MALRD1: variants seen among roughly 807,000 people sequenced by gnomAD.
MALRD1 encodes the protein MAM and LDL-receptor class A domain-containing protein 1.
In MALRD1, 247 loss-of-function variants were observed where a neutral mutation model predicts 242.1. That is an observed-to-expected ratio of 1.02 (90% CI 0.92 to 1.13). MALRD1 has a LOEUF of 1.13. Among genes scored for constraint, MALRD1 ranks in the 50% most tolerant of loss-of-function variants. The pLI, the probability that MALRD1 is intolerant of heterozygous loss-of-function variation, is 0.00. For missense variants in MALRD1, 2,989 were observed against 2,533.1 expected, an observed-to-expected ratio of 1.18 and a Z score of -3.86; for synonymous variants, 995 against 866.6, an observed-to-expected ratio of 1.15 and a Z score of -2.60.
In MALRD1 at chr10:19,633,253, A is replaced by G. The variant is rs188862095; in HGVS notation, c.6137+17330A>G. Among the ~76,000 whole-genome samples, 684 of 152,114 alleles carry G rather than the reference A, an allele frequency of 4.5e-3. 3 individuals carry two copies. The highest frequency in any genetic ancestry group is 0.015 in the African/African-American group (631 of 41,536). ...CTCAAAGAAAAAAAAAGAGAGACAG[A>G]GAGAGAGAGACGACTTTTCAAGATT... On this transcript the variant is annotated intron_variant, in intron 36 of 39. Coordinates refer to ENST00000454679, the MANE Select transcript of MALRD1 (RefSeq NM_001142308.3).
At chr10:19,180,998 A>G (rs1835478116) in intron 14 of MALRD1, among the ~76,000 whole-genome samples, 1 of 152,206 alleles carries the variant, frequency 6.6e-6, no homozygotes, top group Non-Finnish European at 1.5e-5. Flanking sequence ...AGGGAAATAC[A>G]AATCCAAAAC....
chr10:19,294,419 T>G (rs1841596341), intron 21 of MALRD1, among the ~76,000 whole-genome samples: 1 of 152,224 alleles, frequency 6.6e-6, no homozygotes, highest in Admixed American at 6.5e-5. Flanking sequence ...GACATAGTGA[T>G]TTATGCAGAT....
intron 11 of MALRD1, among the ~76,000 whole-genome samples, chr10:19,154,025 A>G (rs1270655082): frequency 1.6e-4 from 24 of 152,308 alleles, no homozygotes; most frequent in Non-Finnish European, 1.5e-5. Context: ...ATTTTTCAAA[A>G]TCACCTTTTC....
intron 2 of MALRD1, among the ~76,000 whole-genome samples, chr10:19,077,242 G>A (rs932354802): frequency 6.6e-6 from 1 of 151,928 alleles, no homozygotes; most frequent in African/African-American, 2.4e-5. Context: ...TAAGGACTGA[G>A]TCAATGTTTT....
Position 19,734,252 on chromosome 10 carries a change from A to G in MALRD1, c.*15A>G. The stretch of plus-strand genomic sequence containing the variant: ...ATCTCAAATAGCAGCATCGAGACCA[A>G]GTCTGATCCAACATGTGTAGTTTCT... On this transcript the variant is annotated 3_prime_UTR_variant, in exon 40 of 40. Transcript: ENST00000454679. 2 of 1,525,982 alleles carry G rather than the reference A, an allele frequency of 1.3e-6. No individual in the cohort carries two copies. The highest frequency in any genetic ancestry group is 4.9e-5 in the East Asian group (2 of 40,818). The allele number at this position is 1,525,982 out of a possible 1,614,324, so 94.5% of individuals were successfully genotyped here.
intron 19 of MALRD1, among the ~76,000 whole-genome samples, chr10:19,258,172 C>G (rs1381204988): frequency 1.3e-5 from 2 of 152,034 alleles, no homozygotes; most frequent in African/African-American, 4.8e-5. Context: ...TGTTGTCAAC[C>G]ATTTCCTCAC....
At chr10:19,561,391 C>G in intron 32 of MALRD1, among the ~76,000 whole-genome samples, 1 of 152,200 alleles carries the variant, frequency 6.6e-6, no homozygotes, top group East Asian at 1.9e-4. Flanking sequence ...TTGCTGCCCT[C>G]TGATCTGCCA....
At chr10:19,349,737 A>G in intron 25 of MALRD1, among the ~76,000 whole-genome samples, 3 of 152,320 alleles carry the variant, frequency 2.0e-5, no homozygotes, top group Middle Eastern at 6.8e-3. Context: ...TGAAAATCAC[A>G]AATTCATTTT....
intron 29 of MALRD1, among the ~76,000 whole-genome samples, chr10:19,489,589 C>T (rs772412139): frequency 6.6e-6 from 1 of 152,094 alleles, no homozygotes; most frequent in Non-Finnish European, 1.5e-5. Flanking sequence ...GAGGTGAAAT[C>T]ATTCGCTGGT....
intron 8 of MALRD1, among the ~76,000 whole-genome samples, chr10:19,133,245 C>G: frequency 6.6e-6 from 1 of 152,140 alleles, no homozygotes; most frequent in East Asian, 1.9e-4. Flanking sequence ...ATTTTGCAAT[C>G]TGAAAAATGA....
intron 21 of MALRD1, among the ~76,000 whole-genome samples, chr10:19,289,056 T>G (rs1039489999): frequency 1.3e-5 from 2 of 152,148 alleles, no homozygotes; most frequent in Admixed American, 1.3e-4. Context: ...TTTAAAGTTT[T>G]TTATTCAAAA....
chr10:19,103,819 G>A (rs1270914203), intron 4 of MALRD1, among the ~76,000 whole-genome samples, 160 bp from the exon 5 acceptor site: 1 of 152,150 alleles, frequency 6.6e-6, no homozygotes, highest in Non-Finnish European at 1.5e-5. Flanking sequence ...TTTTGAGAAT[G>A]TTTGCTTTGA....
chr10:19,101,933 T>C (rs1836275702), intron 4 of MALRD1, among the ~76,000 whole-genome samples: 1 of 138,716 alleles, frequency 7.2e-6, no homozygotes, highest in African/African-American at 2.6e-5. Flanking sequence ...CTCCAAGTAG[T>C]TTGATTAAAA....
intron 31 of MALRD1, among the ~76,000 whole-genome samples, chr10:19,530,334 T>TAATATTTATATA (rs1554793376): frequency 5.8e-4 from 20 of 34,588 alleles, no homozygotes; most frequent in African/African-American, 7.7e-4. Context: ...TATAAATATA[T>TAATATTTATATA]AATATTTATA....
At chr10:19,230,016 A>T (rs767639039) in intron 18 of MALRD1, among the ~76,000 whole-genome samples, 1 of 152,114 alleles carries the variant, frequency 6.6e-6, no homozygotes, top group Non-Finnish European at 1.5e-5. Flanking sequence ...GTGGTAGTGA[A>T]TAAGTCTCAT....
intron 1 of MALRD1, among the ~76,000 whole-genome samples, chr10:19,060,030 C>T (rs544492753): frequency 5.3e-5 from 8 of 152,284 alleles, no homozygotes; most frequent in African/African-American, 9.6e-5. Context: ...AGGGTTAAAT[C>T]GTGCATTGTC....
rs1198779723 is a variant in MALRD1 at position 19,088,186 on chromosome 10, G to A, written c.597+1G>A. The A allele has an allele frequency of 2.1e-5, 26 of 1,232,982 alleles. No individual in the cohort carries two copies. Among genetic ancestry groups the A allele is most frequent in the Admixed American group, 4.2e-5 (1 of 23,656 alleles). The allele number at this position is 1,232,982 out of a possible 1,614,324, so 76.4% of individuals were successfully genotyped here. On this transcript the variant is annotated splice_donor_variant, in intron 4 of 39. Coordinates refer to ENST00000454679, the MANE Select transcript of MALRD1 (RefSeq NM_001142308.3). LOFTEE classifies it high-confidence loss of function. ...AATCCAGAGTTCACAGAGATTTCAG[G>A]TATGTGTGTTCTATTTTCTAACTAT... is the stretch of plus-strand genomic sequence containing the variant.
intron 2 of MALRD1, among the ~76,000 whole-genome samples, chr10:19,071,159 C>G (rs980843943): frequency 6.6e-6 from 1 of 151,990 alleles, no homozygotes; most frequent in African/African-American, 2.4e-5. Flanking sequence ...CCTCAAATGA[C>G]AAACTTTTGC....
intron 14 of MALRD1, among the ~76,000 whole-genome samples, chr10:19,180,263 T>A (rs1427139113): frequency 1.3e-5 from 2 of 152,196 alleles, no homozygotes; most frequent in African/African-American, 4.8e-5. Flanking sequence ...TCAGGGCCAT[T>A]GCTGAGTGCT....
Sources: gnomAD v4.1 joint callset for allele counts (sites outside exome capture counted in the v4.1 genomes callset) on GRCh38, gnomAD v4.1.1 for gene constraint, MANE v1.5 for transcripts, NCBI Gene and HGNC (gene_info 2026-07-23, HGNC 2026-07-21) for gene names.